ABCG5: variants seen among roughly 807,000 people sequenced by gnomAD.
ABCG5 encodes ATP-binding cassette sub-family G member 5.
A neutral mutation model predicts 64.5 loss-of-function variants in ABCG5; 64 were observed. That is an observed-to-expected ratio of 0.99 (90% CI 0.81 to 1.22). The LOEUF is 1.22. Ranked by LOEUF, ABCG5 falls within the 50% of genes most tolerant of loss-of-function variation. The pLI, the probability that ABCG5 is intolerant of heterozygous loss-of-function variation, is 0.00. For missense variants in ABCG5, 908 were observed against 829.5 expected (o/e 1.09, Z -1.16); for synonymous variants, 385 against 326.3 (o/e 1.18, Z -1.94).
At chr2:43,828,303 A>G in intron 4 of ABCG5, 188 bp from the exon 5 acceptor site, 2 of 781,372 alleles carry the variant, frequency 2.6e-6, no homozygotes, top group South Asian at 3.3e-5. Flanking sequence ...AAATCGTAAT[A>G]CATGTGTCAG....
chr2:43,815,341 C>A (rs1572741815), intron 11 of ABCG5, among the ~76,000 whole-genome samples: 1 of 152,136 alleles, frequency 6.6e-6, no homozygotes, highest in African/African-American at 2.4e-5. Flanking sequence ...AGCTTGAGAA[C>A]TTCAAAAGAT....
Position 43,826,508 on chromosome 2 carries a change from A to C in ABCG5, c.648T>G (p.Phe216Leu), listed in dbSNP as rs1667613777. The C allele has an allele frequency of 1.2e-6, 2 of 1,614,218 alleles. No individual in the cohort carries two copies. Among genetic ancestry groups the C allele is most frequent in the East Asian group, 2.2e-5 (1 of 44,882 alleles). ...AGTCCAGGCCTGTGGTTGGCTCATC[A>C]AACAGCATGACCTCTGCCAGCAAAG... The part of the protein sequence containing the change: ...QLLQDPKVML[F>L]DEPTTGLDCM... Residue 216 changes from phenylalanine (F) to leucine (L), a missense_variant, in exon 6 of 13, where the codon TTT becomes TTG. By Grantham distance (22) the Phe-to-Leu change is conservative. Coordinates refer to ENST00000405322, the MANE Select transcript of ABCG5 (RefSeq NM_022436.3).
chr2:43,806,772 C>G, the ABCG5 span, among the ~76,000 whole-genome samples: 1 of 152,250 alleles, frequency 6.6e-6, no homozygotes, highest in East Asian at 1.9e-4. Context: ...CTCTAAATGA[C>G]TTAAAACCAT....
chr2:43,810,304 G>A (rs1039178496), downstream of ABCG5: 4 of 948,060 alleles, frequency 4.2e-6, no homozygotes, highest in African/African-American at 7.1e-5. Flanking sequence ...CTGGAATGGG[G>A]CATTTTTAAT....
intron 2 of ABCG5, among the ~76,000 whole-genome samples, chr2:43,835,968 T>C (rs1160538508): frequency 6.6e-6 from 1 of 151,828 alleles, no homozygotes; most frequent in Non-Finnish European, 1.5e-5. Flanking sequence ...AGATGGAGTC[T>C]CACTGCTGCC....
In ABCG5 at chr2:43,822,867, G is replaced by C; in HGVS notation, c.1393C>G (p.Leu465Val). Residue 465 changes from leucine (L) to valine (V), a missense_variant, in exon 10 of 13, where the codon CTG (leucine) becomes GTG (valine). Coordinates refer to ENST00000405322, the MANE Select transcript of ABCG5 (RefSeq NM_022436.3). Reference protein sequence around the residue: ...DGLYQKWQMMLAYALHVLPFS... With the variant: ...DGLYQKWQMMVAYALHVLPFS... ...GGGAGGACGTGCAGTGCATAGGCCA[G>C]CATCATCTGCCACTTCTGGTAGAGG... 6.2e-7 allele frequency: 1 copy of C among 1,614,160 alleles called. No homozygotes were observed. The highest frequency in any genetic ancestry group is 8.5e-7 in the Non-Finnish European group (1 of 1,180,030).
At chr2:43,813,869 C>G (rs537673363) in intron 12 of ABCG5, among the ~76,000 whole-genome samples, 1 of 151,818 alleles carries the variant, frequency 6.6e-6, no homozygotes, top group Non-Finnish European at 1.5e-5. Context: ...CAGGCACGCA[C>G]CACCACGCCT....
At position 43,825,607 on chromosome 2, in the gene ABCG5, A is replaced by G. The variant is rs79395192; in HGVS notation, c.775-589T>C. ...CTTAATTTGTTGTTGTTTTGTTGTT[A>G]TTGTTGTTGTTGTTGTTGTTTCTGA... On this transcript the variant is annotated intron_variant, in intron 6 of 12. Transcript: ENST00000405322. Among the ~76,000 whole-genome samples the G allele has an allele frequency of 9.1e-3, 1,200 of 132,106 alleles. 30 individuals are homozygous for G. Among genetic ancestry groups the G allele is most frequent in the African/African-American group, 0.033 (1,142 of 34,714 alleles). The allele number at this position is 132,106 out of a possible 152,430, so 86.7% of individuals were successfully genotyped here.
Position 43,826,592 on chromosome 2 carries a change from C to T in ABCG5, c.635-71G>A, listed in dbSNP as rs1169709244. On this transcript the variant is annotated intron_variant, in intron 5 of 12. Coordinates refer to ENST00000405322, the MANE Select transcript of ABCG5 (RefSeq NM_022436.3). ...GGCTCTGTGCTTAAAACTCAGAGTT[C>T]TGAACTGTTCCTTATTGAGTTTGTA... 1.9e-6 allele frequency: 3 copies of T among 1,604,784 alleles called. No individual in the cohort carries two copies. The African/African-American group carries it at 4.0e-5, about 21-fold the overall frequency.
chr2:43,823,169 T>C (rs1428970610), intron 9 of ABCG5, among the ~76,000 whole-genome samples: 6 of 152,132 alleles, frequency 3.9e-5, no homozygotes, highest in Admixed American at 3.3e-4. Context: ...TTTATTTCCT[T>C]CTCTCTAAAG....
rs1438547929 is a variant in ABCG5 at position 43,831,951 on chromosome 2, A to C, written c.398T>G (p.Leu133Arg). The C allele has an allele frequency of 1.3e-6, 2 of 1,549,708 alleles. No homozygotes were observed. The highest frequency in any genetic ancestry group is 1.7e-6 in the Non-Finnish European group (2 of 1,146,990). The change falls in exon 3 of 13, where the codon CTG becomes CGG. Residue 133 changes from leucine (L) to arginine (R), a missense_variant. Coordinates refer to ENST00000405322, the MANE Select transcript of ABCG5 (RefSeq NM_022436.3). ...GGGTGTGGGGGACGCGCCCACCTGC[A>C]GGACGTAGGAGAAGCAGTCCTGGAA... ...EQFQDCFSYV[L>R]QSDTLLSSLT...
upstream of ABCG5, chr2:43,839,019 G>A: frequency 3.9e-6 from 6 of 1,547,304 alleles, no homozygotes; most frequent in East Asian, 1.2e-4. Flanking sequence ...GGGTCTAAGA[G>A]AGCTGCAGCC....
intron 4 of ABCG5, among the ~76,000 whole-genome samples, chr2:43,831,514 G>C (rs1258200010): frequency 1.3e-5 from 2 of 152,158 alleles, no homozygotes; most frequent in Admixed American, 1.3e-4. Flanking sequence ...GTTTTCCTCA[G>C]ACTAAGAGTC....
At chr2:43,821,201 C>G (rs1187226602) in intron 10 of ABCG5, among the ~76,000 whole-genome samples, 1 of 152,184 alleles carries the variant, frequency 6.6e-6, no homozygotes, top group Admixed American at 6.5e-5. Flanking sequence ...CTTATGCTAT[C>G]AATGCCGTTC....
chr2:43,831,626 A>C, intron 4 of ABCG5, 143 bp downstream of exon 4: 1 of 803,376 alleles, frequency 1.2e-6, no homozygotes. Flanking sequence ...CACAGGGTGC[A>C]CGGTGCAGGA....
rs1211038654 is a variant in ABCG5 at position 43,838,493 on chromosome 2, C to G, written c.143+44G>C. On this transcript the variant is annotated intron_variant, in intron 1 of 12. Transcript: ENST00000405322. This position sits in a 1 kb window ranked among gnomAD's most constrained non-coding sequence, Gnocchi z 4.2. ...GGCAGCAGAGGGGTGAGCGCCGGGCCCCGCACTCCTGGGGGAGCAGCAGCA... is the reference window on the plus strand; with the variant it reads ...GGCAGCAGAGGGGTGAGCGCCGGGCGCCGCACTCCTGGGGGAGCAGCAGCA... 15 of 1,557,300 alleles carry G rather than the reference C, an allele frequency of 9.6e-6. No individual in the cohort carries two copies. Among genetic ancestry groups the G allele is most frequent in the African/African-American group, 1.4e-5 (1 of 73,608 alleles).
intron 2 of ABCG5, 75 bp downstream of exon 2, chr2:43,837,759 C>T: frequency 6.3e-7 from 1 of 1,598,908 alleles, no homozygotes; most frequent in Non-Finnish European, 8.6e-7. Flanking sequence ...TTTCTTGTTA[C>T]AACTTAATCT....
At chr2:43,829,306 C>T (rs375760905) in intron 4 of ABCG5, among the ~76,000 whole-genome samples, 5 of 152,122 alleles carry the variant, frequency 3.3e-5, no homozygotes, top group Admixed American at 1.3e-4. Flanking sequence ...AGTGTGAGTC[C>T]ACATCAAAGA....
chr2:43,833,787 C>T (rs899864961), intron 2 of ABCG5, among the ~76,000 whole-genome samples: 14 of 152,198 alleles, frequency 9.2e-5, no homozygotes, highest in Admixed American at 5.9e-4. Flanking sequence ...CAGGTTCAAA[C>T]AATTATCTTG....
Sources: allele counts gnomAD v4.1 joint callset (sites outside exome capture counted in the v4.1 genomes callset), GRCh38; gene constraint gnomAD v4.1.1; non-coding constraint Gnocchi (gnomAD v3.1); transcripts MANE v1.5; gene names NCBI Gene and HGNC (gene_info 2026-07-23, HGNC 2026-07-21).